Variants in HSD11B1 observed in about 807,000 individuals in gnomAD.
HSD11B1 encodes 11-beta-hydroxysteroid dehydrogenase 1.
Under a neutral mutation model 22.1 loss-of-function variants are expected in HSD11B1, and 15 were observed. That is an observed-to-expected ratio of 0.68 (90% CI 0.45 to 1.04). The LOEUF (loss-of-function observed/expected upper bound fraction) is 1.04, where lower values mean the gene tolerates loss of function less well. Ranked by LOEUF, HSD11B1 falls within the 50% of genes least tolerant of loss-of-function variation. HSD11B1 has a pLI of 0.00. For missense variants in HSD11B1, 281 were observed against 357.6 expected (o/e 0.79, Z 1.73); for synonymous variants, 122 against 125.2 (o/e 0.97, Z 0.17).
At chr1:209,715,026 A>C (rs1190175591) in intron 4 of HSD11B1, among the ~76,000 whole-genome samples, 1 of 152,190 alleles carries the variant, frequency 6.6e-6, no homozygotes, top group African/African-American at 2.4e-5. Context: ...AGCCCGACAT[A>C]GGGTAAAGAA....
At chr1:209,701,717 G>A, upstream of HSD11B1, among the ~76,000 whole-genome samples, 1 of 152,220 alleles carries the variant, frequency 6.6e-6, no homozygotes, top group East Asian at 1.9e-4. Flanking sequence ...CTAAATGACA[G>A]GTGTTTCTTT....
At chr1:209,690,857 T>A (rs1018811785) in intron 1 of HSD11B1, among the ~76,000 whole-genome samples, 1 of 152,012 alleles carries the variant, frequency 6.6e-6, no homozygotes, top group Non-Finnish European at 1.5e-5. Context: ...TATCTTCTAT[T>A]AAGAAGTCCA....
At chr1:209,715,757 T>C (rs75187315) in intron 4 of HSD11B1, among the ~76,000 whole-genome samples, 2,278 of 152,296 alleles carry the variant, frequency 0.015, 50 homozygotes, top group African/African-American at 0.051. Context: ...CCAACTGATA[T>C]GAAATGATGA....
chr1:209,725,648 A>G (rs1425253200), intron 4 of HSD11B1, among the ~76,000 whole-genome samples: 2 of 152,186 alleles, frequency 1.3e-5, no homozygotes, highest in Non-Finnish European at 2.9e-5. Flanking sequence ...GATGATGTTC[A>G]ACAAGCTTAG....
intron 4 of HSD11B1, among the ~76,000 whole-genome samples, chr1:209,725,798 C>T (rs1400087906): frequency 1.3e-5 from 2 of 152,204 alleles, no homozygotes; most frequent in Non-Finnish European, 2.9e-5. Context: ...GGGGGCAGAG[C>T]TCAAATCTGC....
chr1:209,695,937 T>C (rs1236429615), intron 1 of HSD11B1, among the ~76,000 whole-genome samples: 1 of 152,186 alleles, frequency 6.6e-6, no homozygotes, highest in Non-Finnish European at 1.5e-5. Context: ...TGCAGCACTG[T>C]CCATAATAGC....
intron 1 of HSD11B1, among the ~76,000 whole-genome samples, chr1:209,697,884 C>CT (rs988076432): frequency 0.1 from 4,168 of 41,040 alleles, 1,059 homozygotes; most frequent in South Asian, 0.17. Context: ...TTGTTTTTTC[C>CT]TTTTTTTTTT....
chr1:209,716,063 C>T (rs1035760860), intron 4 of HSD11B1, among the ~76,000 whole-genome samples: 1 of 152,162 alleles, frequency 6.6e-6, no homozygotes, highest in Non-Finnish European at 1.5e-5. Context: ...TTATTCAACA[C>T]AGTACGAGAA....
intron 1 of HSD11B1, among the ~76,000 whole-genome samples, chr1:209,691,029 T>C (rs906778793): frequency 6.6e-6 from 1 of 152,094 alleles, no homozygotes; most frequent in Non-Finnish European, 1.5e-5. Context: ...TTATTGGAAA[T>C]GTTAGAACCC....
chr1:209,726,283 A>C (rs1330320968), intron 4 of HSD11B1, among the ~76,000 whole-genome samples: 2 of 100,736 alleles, frequency 2.0e-5, no homozygotes, highest in Admixed American at 9.6e-5. Context: ...CCGTAAAAAA[A>C]AAAAAAAAAA....
rs766520999 is a variant in HSD11B1, at chr1:209,706,105, C to G, written c.219+164C>G. ...GCACTCTCATATATAGATTCAAACA[C>G]CAAAAAACCCACAGGAATATAAAAG... On this transcript the variant is annotated intron_variant, in intron 2 of 5. Coordinates refer to ENST00000367027, the MANE Select transcript of HSD11B1 (RefSeq NM_005525.4). This position sits in a 1 kb window ranked among gnomAD's most constrained non-coding sequence, Gnocchi z 4.0. 6.6e-6 allele frequency among the ~76,000 whole-genome samples: 1 copy of G among 152,056 alleles called. No individual in the cohort carries two copies. The highest frequency in any genetic ancestry group is 2.4e-5 in the African/African-American group (1 of 41,384).
intron 4 of HSD11B1, among the ~76,000 whole-genome samples, chr1:209,708,089 G>C (rs2076871955): frequency 6.6e-6 from 1 of 152,154 alleles, no homozygotes; most frequent in Admixed American, 6.5e-5. Flanking sequence ...AGAGGTCCCT[G>C]GTGTTCTGGA....
At chr1:209,690,471 C>T (rs769612364) in intron 1 of HSD11B1, among the ~76,000 whole-genome samples, 1 of 151,756 alleles carries the variant, frequency 6.6e-6, no homozygotes, top group Non-Finnish European at 1.5e-5. Flanking sequence ...CCAAGGTGAG[C>T]GGATCACCTG....
chr1:209,714,588 GTT>G (rs2076918630), intron 4 of HSD11B1, among the ~76,000 whole-genome samples: 1 of 152,116 alleles, frequency 6.6e-6, no homozygotes, highest in Admixed American at 6.5e-5. Flanking sequence ...TTTCCTTTCT[GTT>G]TCTAGGCCTT....
In HSD11B1 at chr1:209,709,937, A is replaced by AACACACACACACAC. The variant is rs71143893; in HGVS notation, c.517+2833_517+2846dup. ...ACCCTCCAGGCCATCCCACATGTGA[A>AACACACACACACAC]ACACACACACACACACACACACACA... is the stretch of plus-strand genomic sequence containing the variant. On this transcript the variant is annotated intron_variant, in intron 4 of 5. Transcript: ENST00000367027. Among the ~76,000 whole-genome samples, 153 of 143,886 alleles carry AACACACACACACAC rather than the reference A, an allele frequency of 1.1e-3. 1 individual carries two copies. The South Asian group carries it at 0.014, about 14-fold the overall frequency. The allele number at this position is 143,886 out of a possible 152,430, so 94.4% of individuals were successfully genotyped here.
chr1:209,730,284 G>T (rs2077027610), intron 4 of HSD11B1, among the ~76,000 whole-genome samples: 1 of 152,178 alleles, frequency 6.6e-6, no homozygotes, highest in African/African-American at 2.4e-5. Context: ...AGAATCCAAG[G>T]TCATTCCACA....
Position 209,707,137 on chromosome 1 carries a change from G to C in HSD11B1, c.517+9G>C, listed in dbSNP as rs370110727. Reference sequence around the variant, plus strand: ...CGTCTCCTCTCTGGCTGGTAAGTGGGACAGGGACATATGTGGAAGGTAGAA... The same window carrying C: ...CGTCTCCTCTCTGGCTGGTAAGTGGCACAGGGACATATGTGGAAGGTAGAA... On this transcript the variant is annotated intron_variant, in intron 4 of 5. Coordinates refer to ENST00000367027, the MANE Select transcript of HSD11B1 (RefSeq NM_005525.4). 4 of 1,609,948 alleles carry C rather than the reference G, an allele frequency of 2.5e-6. No individual in the cohort carries two copies. The highest frequency in any genetic ancestry group is 1.4e-5 in the African/African-American group (1 of 73,680).
upstream of HSD11B1, among the ~76,000 whole-genome samples, chr1:209,701,064 G>C (rs979026227): frequency 3.3e-5 from 5 of 152,140 alleles, no homozygotes; most frequent in Admixed American, 3.3e-4. Flanking sequence ...CCTCCAAACT[G>C]TTCCAACCTC....
At chr1:209,712,919 G>T (rs975818262) in intron 4 of HSD11B1, among the ~76,000 whole-genome samples, 18 of 152,052 alleles carry the variant, frequency 1.2e-4, no homozygotes, top group Admixed American at 6.6e-4. Context: ...CGAGGTGGTG[G>T]GTGCCTGTAG....
Sources: gnomAD v4.1 joint callset for allele counts (sites outside exome capture counted in the v4.1 genomes callset) on GRCh38, gnomAD v4.1.1 for gene constraint, Gnocchi (gnomAD v3.1) non-coding constraint, MANE v1.5 for transcripts, NCBI Gene and HGNC (gene_info 2026-07-23, HGNC 2026-07-21) for gene names.